The following ARHGEF4 variants were observed in gnomAD, a reference collection of about 807,000 sequenced individuals.
ARHGEF4 encodes the protein APC-stimulated guanine nucleotide exchange factor 1.
ARHGEF4 carries 119 observed loss-of-function variants against 162.0 expected under a neutral mutation model. That is an observed-to-expected ratio of 0.73 (90% CI 0.63 to 0.86). The LOEUF is 0.86. Among genes scored for constraint, ARHGEF4 ranks in the 40% least tolerant of loss-of-function variants. The probability of loss-of-function intolerance (pLI) is 0.00; values close to 1 mark genes in which losing one functional copy is unlikely to be tolerated. For missense variants in ARHGEF4, 2,488 were observed against 2,456.0 expected, an observed-to-expected ratio of 1.01 and a Z score of -0.28; for synonymous variants, 1,014 against 979.9, an observed-to-expected ratio of 1.03 and a Z score of -0.65.
chr2:130,841,698 C>T (rs1680623162), intron 1 of ARHGEF4, among the ~76,000 whole-genome samples: 1 of 152,236 alleles, frequency 6.6e-6, no homozygotes, highest in Admixed American at 6.5e-5. Flanking sequence ...TTTCTTGGTG[C>T]TTCCGGCTGG....
chr2:130,980,764 A>G (rs1490285528), intron 4 of ARHGEF4, among the ~76,000 whole-genome samples: 1 of 152,244 alleles, frequency 6.6e-6, no homozygotes, highest in East Asian at 1.9e-4. Context: ...ATCACAAATC[A>G]CCAGGAAGTC....
chr2:130,866,761 G>A (rs1407821766), intron 1 of ARHGEF4, among the ~76,000 whole-genome samples: 1 of 152,162 alleles, frequency 6.6e-6, no homozygotes, highest in Non-Finnish European at 1.5e-5. Context: ...TGATACATTG[G>A]TGGATTCCAT....
intron 4 of ARHGEF4, among the ~76,000 whole-genome samples, chr2:131,024,778 G>A (rs776206182): frequency 2.6e-5 from 4 of 152,288 alleles, no homozygotes; most frequent in African/African-American, 4.8e-5. Context: ...CCATCCAGTC[G>A]GGAGGGGAAT....
intron 4 of ARHGEF4, among the ~76,000 whole-genome samples, chr2:130,974,138 G>A (rs957352353): frequency 3.3e-5 from 5 of 151,716 alleles, no homozygotes; most frequent in Admixed American, 3.3e-4. Flanking sequence ...CAGGCATGAT[G>A]GCACACACCT....
chr2:131,027,046 G>T (rs545048929), intron 4 of ARHGEF4, among the ~76,000 whole-genome samples: 3 of 152,338 alleles, frequency 2.0e-5, no homozygotes. Context: ...GGGCCGTCAT[G>T]AAAGCAGGGT....
intron 5 of ARHGEF4, among the ~76,000 whole-genome samples, chr2:131,033,035 T>A (rs1689974812): frequency 6.6e-6 from 1 of 151,950 alleles, no homozygotes; most frequent in Non-Finnish European, 1.5e-5. Context: ...GTATCTTTTG[T>A]AGAGATGGAG....
intron 3 of ARHGEF4, among the ~76,000 whole-genome samples, chr2:130,933,282 A>G (rs181429894): frequency 6.6e-6 from 1 of 151,766 alleles, no homozygotes; most frequent in Admixed American, 6.6e-5. Flanking sequence ...ATTCTATCCT[A>G]TTAACTTATA....
At chr2:130,929,156 A>G (rs1682475731) in intron 2 of ARHGEF4, among the ~76,000 whole-genome samples, 1 of 152,240 alleles carries the variant, frequency 6.6e-6, no homozygotes, top group South Asian at 2.1e-4. Context: ...AGAAGAAACC[A>G]GCTGTTTCTG....
intron 4 of ARHGEF4, among the ~76,000 whole-genome samples, chr2:130,988,802 T>C (rs1017536290): frequency 6.6e-6 from 1 of 151,652 alleles, no homozygotes; most frequent in African/African-American, 2.4e-5. Context: ...TTTAATTTTC[T>C]AGTATTTTAA....
intron 1 of ARHGEF4, among the ~76,000 whole-genome samples, chr2:130,853,899 C>A (rs1357749239): frequency 6.6e-6 from 1 of 152,172 alleles, no homozygotes; most frequent in African/African-American, 2.4e-5. Flanking sequence ...GAAGGATGGA[C>A]AGTCATACCT....
intron 1 of ARHGEF4, among the ~76,000 whole-genome samples, chr2:130,867,523 A>G (rs1200468580): frequency 6.6e-6 from 1 of 152,214 alleles, no homozygotes; most frequent in Non-Finnish European, 1.5e-5. Flanking sequence ...GATGTGAGAC[A>G]CCATGCCTGG....
At position 130,916,583 on chromosome 2, in the gene ARHGEF4, C is replaced by T. The variant is rs1287576963; in HGVS notation, c.2637C>T (p.Thr879=). ...CGGCAGGAGCGGGGCACACGGGGACCTCAGGGGATCTTGGTAGCCGAGGGC... is the reference window on the plus strand; with the variant it reads ...CGGCAGGAGCGGGGCACACGGGGACTTCAGGGGATCTTGGTAGCCGAGGGC... ...AGPAGAGHTG[T]SGDLGSRGPS... is the part of the protein sequence containing the mutation. Residue 879 remains threonine, a synonymous_variant, in exon 2 of 14, where the codon ACC becomes ACT. Coordinates refer to ENST00000409359, the MANE Select transcript of ARHGEF4 (RefSeq NM_001367493.1). 43 of 1,550,400 alleles carry T rather than the reference C, an allele frequency of 2.8e-5. No individual in the cohort carries two copies. Among genetic ancestry groups the T allele is most frequent in the Non-Finnish European group, 3.4e-5 (39 of 1,146,964 alleles).
intron 4 of ARHGEF4, among the ~76,000 whole-genome samples, chr2:130,991,334 C>T (rs1435615271): frequency 6.6e-6 from 1 of 152,258 alleles, no homozygotes; most frequent in East Asian, 1.9e-4. Flanking sequence ...TGCGTGGGCT[C>T]CCATTTTGGC....
rs1370700322 is a variant in ARHGEF4 at position 130,916,853 on chromosome 2, A to G, written c.2907A>G (p.Leu969=). The G allele has an allele frequency of 1.9e-6, 3 of 1,550,250 alleles. No homozygotes were observed. Among genetic ancestry groups the G allele is most frequent in the Admixed American group, 3.9e-5 (2 of 51,004 alleles). ...KDAGSPKKPT[L]VSLPLGPEVL... The stretch of plus-strand genomic sequence containing the variant: ...CCGGAAGCCCCAAAAAGCCCACCCT[A>G]GTGAGTCTGCCTCTAGGACCCGAAG... The change falls in exon 2 of 14, where the codon CTA becomes CTG. Residue 969 remains leucine, a synonymous_variant. Coordinates refer to ENST00000409359, the MANE Select transcript of ARHGEF4 (RefSeq NM_001367493.1).
At chr2:131,000,572 G>A (rs1485403051) in intron 4 of ARHGEF4, among the ~76,000 whole-genome samples, 1 of 152,140 alleles carries the variant, frequency 6.6e-6, no homozygotes, top group Admixed American at 6.5e-5. Context: ...ATTTAGGAAG[G>A]GAAGGGTTTT....
In ARHGEF4 at chr2:130,914,297, G is replaced by A; in HGVS notation, c.351G>A (p.Gln117=). Residue 117 remains glutamine, a synonymous_variant, in exon 2 of 14, where the codon CAG becomes CAA. Coordinates refer to ENST00000409359, the MANE Select transcript of ARHGEF4 (RefSeq NM_001367493.1). ...CAGCAACTGGACCCCCTCAGGAGCA[G>A]CATTTGACCAGTGTTCCTGGGCTTC... ...DVSATGPPQE[Q]HLTSVPGLHA... 1 of 1,512,958 alleles carries A rather than the reference G, an allele frequency of 6.6e-7. No homozygotes were observed. The allele number at this position is 1,512,958 out of a possible 1,614,324, so 93.7% of individuals were successfully genotyped here.
intron 4 of ARHGEF4, chr2:130,963,583 G>T (rs1231908373): frequency 0.028 from 3 of 106 alleles, no homozygotes; most frequent in South Asian, 0.33. Flanking sequence ...TGGCGGCGGC[G>T]CGGCCCTGCG....
rs115098770 is a variant in ARHGEF4 at position 130,957,592 on chromosome 2, G to A, written c.3985+10957G>A. On this transcript the variant is annotated intron_variant, in intron 4 of 13. Transcript: ENST00000409359. Reference sequence around the variant, plus strand: ...ACTAAAATTGTTAAATTGTACACTCGTGGGCTGGATGTTTGTGTTCCTCCA... The same window carrying A: ...ACTAAAATTGTTAAATTGTACACTCATGGGCTGGATGTTTGTGTTCCTCCA... 7.3e-3 allele frequency among the ~76,000 whole-genome samples: 1,117 copies of A among 152,202 alleles called. 13 individuals are homozygous for A. Among genetic ancestry groups the A allele is most frequent in the African/African-American group, 0.025 (1,053 of 41,528 alleles).
rs191682308 is a variant in ARHGEF4 at position 130,989,122 on chromosome 2, C to T, written c.3986-38823C>T. Among the ~76,000 whole-genome samples, 216 of 152,008 alleles carry T rather than the reference C, an allele frequency of 1.4e-3. 1 individual carries two copies. Among genetic ancestry groups the T allele is most frequent in the Non-Finnish European group, 3.7e-4 (25 of 67,986 alleles). On this transcript the variant is annotated intron_variant, in intron 4 of 13. Transcript: ENST00000409359. ...GACTACAGGCATGCACCACCATGCACGGCTAATTTTGTATTTTTGGTAGAG... is the reference window on the plus strand; with the variant it reads ...GACTACAGGCATGCACCACCATGCATGGCTAATTTTGTATTTTTGGTAGAG...
Sources: allele counts gnomAD v4.1 joint callset (sites outside exome capture counted in the v4.1 genomes callset), GRCh38; gene constraint gnomAD v4.1.1; transcripts MANE v1.5; gene names NCBI Gene and HGNC (gene_info 2026-07-23, HGNC 2026-07-21).